The following HMCN1 variants were observed in gnomAD, a reference collection of about 807,000 sequenced individuals.
HMCN1 encodes hemicentin-1.
In HMCN1, 321 loss-of-function variants were observed where a neutral mutation model predicts 625.9. That is an observed-to-expected ratio of 0.51 (90% CI 0.47 to 0.56). The LOEUF (loss-of-function observed/expected upper bound fraction) is 0.56. Among genes scored for constraint, HMCN1 ranks in the 20% least tolerant of loss-of-function variants. The probability of loss-of-function intolerance (pLI) is 0.00; values close to 1 mark genes in which losing one functional copy is unlikely to be tolerated. For synonymous variants in HMCN1, 2,425 were observed against 2,417.6 expected (o/e 1.00, Z -0.09); for missense variants, 6,588 against 6,887.3 (o/e 0.96, Z 1.54).
At position 186,059,841 on chromosome 1, in the gene HMCN1, T is replaced by C. The variant is rs1657570179; in HGVS notation, c.7313-2010T>C. Among the ~76,000 whole-genome samples the C allele has an allele frequency of 2.6e-5, 4 of 152,032 alleles. No individual in the cohort carries two copies. The South Asian group carries it at 8.3e-4, about 31-fold the overall frequency. On this transcript the variant is annotated intron_variant, in intron 46 of 106. Coordinates refer to ENST00000271588, the MANE Select transcript of HMCN1 (RefSeq NM_031935.3). ...TACTGTCAGAACCCATTTTTGGTTT[T>C]CACTGGATTAAGCGAGAAGTCCATG...
At chr1:185,962,470 A>T in intron 11 of HMCN1, 48 bp from the exon 12 acceptor site, 1 of 1,539,412 alleles carries the variant, frequency 6.5e-7, no homozygotes. Context: ...AGCTTCTAAC[A>T]TCAAGATAAA....
chr1:185,923,421 T>A lies in HMCN1; in HGVS notation c.1053T>A (p.Ser351=). ...CTACCTATGTACTGCTCAATACTTC[T>A]GGAATTTCCACTCCAGCTAGAATAG... ...GIPTYVLLNT[S]GISTPARIDL... The change falls in exon 8 of 107, where the codon TCT becomes TCA. Residue 351 remains serine (S), a synonymous_variant. Coordinates refer to ENST00000271588, the MANE Select transcript of HMCN1 (RefSeq NM_031935.3). The A allele has an allele frequency of 6.2e-7, 1 of 1,611,264 alleles. No homozygotes were observed. Among genetic ancestry groups the A allele is most frequent in the Non-Finnish European group, 8.5e-7 (1 of 1,177,930 alleles).
intron 97 of HMCN1, among the ~76,000 whole-genome samples, chr1:186,164,308 C>T (rs868574023): frequency 6.7e-5 from 10 of 149,482 alleles, no homozygotes; most frequent in East Asian, 2.0e-4. Flanking sequence ...GACGCAATCT[C>T]GGCTCACTAC....
chr1:185,981,799 T>C (rs1379611627), intron 17 of HMCN1, among the ~76,000 whole-genome samples: 2 of 152,170 alleles, frequency 1.3e-5, no homozygotes, highest in Non-Finnish European at 2.9e-5. Context: ...CCATTCCATC[T>C]AAGAGAGTCA....
intron 46 of HMCN1, 139 bp downstream of exon 46, chr1:186,057,540 G>A: frequency 1.5e-6 from 1 of 646,066 alleles, no homozygotes; most frequent in Non-Finnish European, 2.7e-6. Flanking sequence ...ATCATATTAA[G>A]AAAAAATATT....
intron 20 of HMCN1, among the ~76,000 whole-genome samples, chr1:185,989,274 T>C (rs903222220): frequency 2.6e-5 from 4 of 152,064 alleles, no homozygotes; most frequent in African/African-American, 4.8e-5. Context: ...GGATTACAGG[T>C]GTGAGCCACC....
intron 97 of HMCN1, among the ~76,000 whole-genome samples, chr1:186,164,485 C>T (rs573392976): frequency 7.3e-4 from 111 of 152,152 alleles, no homozygotes; most frequent in African/African-American, 1.5e-3. Flanking sequence ...CCTTGTGATC[C>T]GCCCGCCTCG....
chr1:185,779,288 C>G (rs530933391), intron 1 of HMCN1, among the ~76,000 whole-genome samples: 2 of 152,088 alleles, frequency 1.3e-5, no homozygotes, highest in East Asian at 3.9e-4. Context: ...TTCTCCCATT[C>G]TGTAGGTTGC....
chr1:186,030,097 T>G (rs1434104670), intron 36 of HMCN1, among the ~76,000 whole-genome samples: 1 of 152,138 alleles, frequency 6.6e-6, no homozygotes, highest in African/African-American at 2.4e-5. Context: ...ATAGTCCTTT[T>G]AAATGTATCA....
intron 105 of HMCN1, among the ~76,000 whole-genome samples, chr1:186,187,077 A>G (rs577671035): frequency 7.9e-4 from 120 of 151,404 alleles, no homozygotes; most frequent in African/African-American, 2.9e-3. Context: ...CTGATGCCCA[A>G]AAATAAACCC....
intron 1 of HMCN1, among the ~76,000 whole-genome samples, chr1:185,781,154 C>T (rs557883432): frequency 1.3e-5 from 2 of 152,254 alleles, no homozygotes; most frequent in South Asian, 4.1e-4. Context: ...TTATAGTATT[C>T]TCTGATGGTA....
At chr1:185,818,258 C>T (rs1444203695) in intron 1 of HMCN1, among the ~76,000 whole-genome samples, 1 of 152,212 alleles carries the variant, frequency 6.6e-6, no homozygotes, top group Admixed American at 6.5e-5. Flanking sequence ...AAAAACTTCA[C>T]ATGACAGTGT....
At chr1:186,007,372 C>T in intron 30 of HMCN1, 90 bp downstream of exon 30, 1 of 1,213,706 alleles carries the variant, frequency 8.2e-7, no homozygotes, top group Non-Finnish European at 1.2e-6. Context: ...TTATTTCATA[C>T]TGAATAATTT....
intron 1 of HMCN1, among the ~76,000 whole-genome samples, chr1:185,826,419 CAGT>C (rs1441482120): frequency 1.3e-5 from 2 of 152,146 alleles, no homozygotes; most frequent in Non-Finnish European, 2.9e-5. Context: ...CTTCCCAAGG[CAGT>C]AGACGTTGTA....
chr1:185,869,620 C>G (rs1256317135), intron 4 of HMCN1, among the ~76,000 whole-genome samples: 1 of 152,032 alleles, frequency 6.6e-6, no homozygotes, highest in Non-Finnish European at 1.5e-5. Flanking sequence ...TGGAACTGTA[C>G]AAGTCAATAT....
intron 102 of HMCN1, among the ~76,000 whole-genome samples, chr1:186,172,717 A>G (rs551902889): frequency 6.6e-6 from 1 of 152,308 alleles, no homozygotes; most frequent in African/African-American, 2.4e-5. Context: ...TTACAAAAAT[A>G]AAAGAGAGAT....
chr1:186,145,928 G>A lies in HMCN1; in HGVS notation c.14608+5G>A, dbSNP rs1240912036. 3.1e-6 allele frequency: 5 copies of A among 1,613,502 alleles called. No homozygotes were observed. The highest frequency in any genetic ancestry group is 1.3e-5 in the African/African-American group (1 of 74,816). On this transcript the variant is annotated splice_donor_5th_base_variant and intron_variant, in intron 93 of 106. Transcript: ENST00000271588. ...GCAATGTACAAGCATGTCCAGGTAAGCAACTAAATTGGACTTTGGTAGCAC... is the reference window on the plus strand; with the variant it reads ...GCAATGTACAAGCATGTCCAGGTAAACAACTAAATTGGACTTTGGTAGCAC...
At chr1:185,899,717 C>T in intron 4 of HMCN1, among the ~76,000 whole-genome samples, 1 of 152,094 alleles carries the variant, frequency 6.6e-6, no homozygotes, top group South Asian at 2.1e-4. Flanking sequence ...AGTGGTAAAA[C>T]AGAGAGAAGA....
rs778806670 is a variant in HMCN1 at position 185,962,524 on chromosome 1, C to T, written c.1835C>T (p.Pro612Leu). The change falls in exon 12 of 107, where the codon CCC becomes CTC. Residue 612 changes from proline to leucine, a missense_variant. Pro to Leu is a moderately conservative substitution (Grantham distance 98, BLOSUM62 -3). Coordinates refer to ENST00000271588, the MANE Select transcript of HMCN1 (RefSeq NM_031935.3). Reference protein sequence around the residue: ...ASVFLTVQEPPKVTVMPKNQS... With the variant: ...ASVFLTVQEPLKVTVMPKNQS... ...CGTATATTTTTATTTGCAGAACCACCCAAAGTCACTGTGATGCCCAAGAAT... is the reference window on the plus strand; with the variant it reads ...CGTATATTTTTATTTGCAGAACCACTCAAAGTCACTGTGATGCCCAAGAAT... 2 of 1,612,982 alleles carry T rather than the reference C, an allele frequency of 1.2e-6. No individual in the cohort carries two copies. The highest frequency in any genetic ancestry group is 1.7e-5 in the Admixed American group (1 of 59,960).
Sources: allele counts gnomAD v4.1 joint callset (sites outside exome capture counted in the v4.1 genomes callset), GRCh38; gene constraint gnomAD v4.1.1; transcripts MANE v1.5; gene names NCBI Gene and HGNC (gene_info 2026-07-23, HGNC 2026-07-21).